Variants in CTNNA3 observed in about 807,000 individuals in gnomAD.
CTNNA3 encodes the protein catenin alpha 3, also known as catenin alpha-3.
Under a neutral mutation model 95.7 loss-of-function variants are expected in CTNNA3, and 76 were observed. The observed-to-expected ratio is 0.79, with a 90% CI of 0.66 to 0.96. The LOEUF (loss-of-function observed/expected upper bound fraction) is 0.96, where lower values mean the gene tolerates loss of function less well. Among genes scored for constraint, CTNNA3 ranks in the 40% least tolerant of loss-of-function variants. The pLI is 0.00. For synonymous variants in CTNNA3, 431 were observed against 374.4 expected (o/e 1.15, Z -1.74); for missense variants, 1,191 against 1,089.8 (o/e 1.09, Z -1.31).
intron 13 of CTNNA3, among the ~76,000 whole-genome samples, chr10:66,163,315 T>A (rs961361056): frequency 3.9e-5 from 6 of 151,930 alleles, no homozygotes; most frequent in African/African-American, 1.2e-4. Context: ...CTGGCCACCC[T>A]CCCAATGGAT....
chr10:67,527,762 G>A (rs970504009), intron 4 of CTNNA3, among the ~76,000 whole-genome samples: 3 of 152,312 alleles, frequency 2.0e-5, no homozygotes, highest in Non-Finnish European at 4.4e-5. Context: ...TCCTGTCAAT[G>A]CAAAAGCAAG....
intron 12 of CTNNA3, among the ~76,000 whole-genome samples, chr10:66,367,370 A>G (rs1053816880): frequency 1.3e-5 from 2 of 152,034 alleles, no homozygotes; most frequent in Non-Finnish European, 2.9e-5. Flanking sequence ...CCCAGCTGTA[A>G]GATAACTCTT....
intron 13 of CTNNA3, among the ~76,000 whole-genome samples, chr10:66,241,774 A>T (rs2090120753): frequency 6.6e-6 from 1 of 152,108 alleles, no homozygotes; most frequent in Non-Finnish European, 1.5e-5. Context: ...TTAAATATTA[A>T]CCTAAGCAAA....
intron 7 of CTNNA3, among the ~76,000 whole-genome samples, chr10:66,894,647 C>A (rs1845403214): frequency 6.6e-6 from 1 of 151,928 alleles, no homozygotes; most frequent in African/African-American, 2.4e-5. Flanking sequence ...AATTAATTTT[C>A]TTATTCCTCA....
intron 13 of CTNNA3, among the ~76,000 whole-genome samples, chr10:66,261,909 C>T (rs1387216214): frequency 6.6e-6 from 1 of 151,976 alleles, no homozygotes; most frequent in Admixed American, 6.6e-5. Context: ...CTTTGACCCA[C>T]TCCAAAACCC....
intron 5 of CTNNA3, among the ~76,000 whole-genome samples, chr10:67,246,224 G>A (rs545064645): frequency 4.5e-4 from 68 of 152,270 alleles, no homozygotes; most frequent in African/African-American, 1.4e-3. Flanking sequence ...AGTATTCACT[G>A]TTTAGTTGTT....
At chr10:67,519,895 T>G (rs1298261332) in intron 5 of CTNNA3, among the ~76,000 whole-genome samples, 1 of 152,164 alleles carries the variant, frequency 6.6e-6, no homozygotes, top group Non-Finnish European at 1.5e-5. Context: ...AGGAATAGAA[T>G]GCGAGATAAA....
At chr10:66,471,102 C>T (rs1159802952) in intron 11 of CTNNA3, among the ~76,000 whole-genome samples, 1 of 151,722 alleles carries the variant, frequency 6.6e-6, no homozygotes, top group Non-Finnish European at 1.5e-5. Context: ...ATGCAACATC[C>T]CCCATTGTTT....
intron 7 of CTNNA3, among the ~76,000 whole-genome samples, chr10:67,146,092 G>T (rs1017827516): frequency 6.6e-6 from 1 of 151,930 alleles, no homozygotes; most frequent in Admixed American, 6.6e-5. Context: ...CTCTACCCCA[G>T]CACCCCTCCA....
chr10:66,685,351 ATT>A (rs869108447), intron 9 of CTNNA3, among the ~76,000 whole-genome samples: 5 of 28,268 alleles, frequency 1.8e-4, no homozygotes, highest in East Asian at 1.0e-3. Flanking sequence ...ATATATATAT[ATT>A]TTTTTTTTTT....
chr10:67,004,403 T>C (rs1404793740), intron 7 of CTNNA3, among the ~76,000 whole-genome samples: 1 of 152,206 alleles, frequency 6.6e-6, no homozygotes, highest in African/African-American at 2.4e-5. Context: ...GTATCTTGCT[T>C]CCCTGTTAAA....
Position 65,920,400 on chromosome 10 carries a change from C to T in CTNNA3, c.2618G>A (p.Arg873Gln), listed in dbSNP as rs778921417. The change falls in exon 18 of 18, where the codon CGA becomes CAA. Residue 873 changes from arginine to glutamine, a missense_variant. Arg to Gln is a conservative substitution (Grantham distance 43). Coordinates refer to ENST00000433211, the MANE Select transcript of CTNNA3 (RefSeq NM_013266.4). ...KPEETCAAVR[R>Q]GSAKKKIHPL... ...ATGGATTTTTTTCTTTGCTGAGCCTCGTCTGACAGCTGCACACGTTTCCTC... is the reference window on the plus strand; with the variant it reads ...ATGGATTTTTTTCTTTGCTGAGCCTTGTCTGACAGCTGCACACGTTTCCTC... 15 of 1,614,108 alleles carry T rather than the reference C, an allele frequency of 9.3e-6. No individual in the cohort carries two copies. Among genetic ancestry groups the T allele is most frequent in the Middle Eastern group, 3.3e-4 (2 of 6,062 alleles).
At chr10:67,600,260 C>T (rs946987864) in intron 3 of CTNNA3, among the ~76,000 whole-genome samples, 75 of 152,062 alleles carry the variant, frequency 4.9e-4, no homozygotes, top group African/African-American at 1.8e-3. Context: ...AATAAAGCTT[C>T]CAGATAGTAA....
chr10:66,583,052 G>T (rs1178887349), intron 10 of CTNNA3, among the ~76,000 whole-genome samples: 1 of 151,642 alleles, frequency 6.6e-6, no homozygotes, highest in Non-Finnish European at 1.5e-5. Flanking sequence ...CTATTTTGTT[G>T]AGCATTTTTG....
At chr10:66,553,272 G>A (rs1003041121) in intron 10 of CTNNA3, among the ~76,000 whole-genome samples, 2 of 151,502 alleles carry the variant, frequency 1.3e-5, no homozygotes, top group African/African-American at 4.9e-5. Context: ...ATTTATATTT[G>A]GTGGAATTAC....
chr10:67,218,396 C>T (rs1369790144), intron 6 of CTNNA3, among the ~76,000 whole-genome samples: 1 of 152,186 alleles, frequency 6.6e-6, no homozygotes, highest in Non-Finnish European at 1.5e-5. Context: ...CATCCAGTGA[C>T]TGAAAGAGAC....
At chr10:65,980,256 C>A (rs760199068) in intron 16 of CTNNA3, among the ~76,000 whole-genome samples, 6 of 151,820 alleles carry the variant, frequency 4.0e-5, no homozygotes, top group African/African-American at 1.4e-4. Flanking sequence ...AAATATATAA[C>A]CCTCTTAGAT....
At chr10:66,904,572 G>C (rs1428925623) in intron 7 of CTNNA3, among the ~76,000 whole-genome samples, 3 of 151,996 alleles carry the variant, frequency 2.0e-5, no homozygotes, top group Non-Finnish European at 4.4e-5. Context: ...TCATCAGAGC[G>C]AACAGACAAG....
chr10:66,355,593 ACT>A (rs1343454201), intron 12 of CTNNA3, among the ~76,000 whole-genome samples: 4 of 151,934 alleles, frequency 2.6e-5, no homozygotes, highest in Non-Finnish European at 1.5e-5. Context: ...GAATTTTTAC[ACT>A]GTTTCATATA....
Sources: allele counts gnomAD v4.1 joint callset (sites outside exome capture counted in the v4.1 genomes callset), GRCh38; gene constraint gnomAD v4.1.1; transcripts MANE v1.5; gene names NCBI Gene and HGNC (gene_info 2026-07-23, HGNC 2026-07-21).